The following PCDHA3 variants were observed in gnomAD, a reference collection of about 807,000 sequenced individuals.
PCDHA3 encodes protocadherin alpha-3.
Under a neutral mutation model 62.2 loss-of-function variants are expected in PCDHA3, and 41 were observed. The observed-to-expected ratio is 0.66, with a 90% confidence interval of 0.51 to 0.86. The LOEUF (loss-of-function observed/expected upper bound fraction) is 0.86, where lower values mean the gene tolerates loss of function less well. PCDHA3 is among the 40% of genes least tolerant of loss of function. PCDHA3 has a pLI of 0.00. For synonymous variants in PCDHA3, 640 were observed against 555.4 expected, an observed-to-expected ratio of 1.15 and a Z score of -2.14; for missense variants, 1,304 against 1,241.2, an observed-to-expected ratio of 1.05 and a Z score of -0.76.
Position 140,801,485 on chromosome 5 carries a change from C to G in PCDHA3, c.288C>G (p.Cys96Trp). The G allele has an allele frequency of 6.2e-7, 1 of 1,614,078 alleles. No individual in the cohort carries two copies. The highest frequency in any genetic ancestry group is 8.5e-7 in the Non-Finnish European group (1 of 1,180,044). The change falls in exon 1 of 4, where the codon TGC (cysteine) becomes TGG (tryptophan). Residue 96 changes from cysteine to tryptophan, a missense_variant. Transcript: ENST00000522353. ...VNSRIDREEL[C>W]GRSAECSIHL... ...CTCGGATAGACCGCGAGGAACTGTG[C>G]GGGCGGAGCGCGGAGTGCAGCATCC...
intron 1 of PCDHA3, chr5:140,816,500 GGTGTGTTT>G (rs2126671911): frequency 7.9e-6 from 1 of 125,928 alleles, no homozygotes; most frequent in African/African-American, 3.1e-5. Context: ...GGTTTCTGGA[GGTGTGTTT>G]GTGTGTGTGT....
intron 1 of PCDHA3, among the ~76,000 whole-genome samples, chr5:140,908,126 C>T (rs573751399): frequency 1.6e-4 from 24 of 152,360 alleles, no homozygotes; most frequent in South Asian, 1.0e-3. Context: ...TTTCCCTTCA[C>T]TGCTGTCCTT....
At chr5:140,846,050 C>T (rs2150384063) in intron 1 of PCDHA3, among the ~76,000 whole-genome samples, 1 of 149,776 alleles carries the variant, frequency 6.7e-6, no homozygotes, top group African/African-American at 2.4e-5. Flanking sequence ...GTTAACACCA[C>T]CTATGTGGGA....
At position 140,801,359 on chromosome 5, in the gene PCDHA3, G is replaced by A; in HGVS notation, c.162G>A (p.Leu54=). ...FVGRIAQDLG[L]ELAELVPRLF... ...GCCGCATCGCGCAGGACCTGGGGCT[G>A]GAGCTGGCGGAGCTGGTGCCGCGCC... The change falls in exon 1 of 4, where the codon CTG becomes CTA. Residue 54 remains leucine, a synonymous_variant. Coordinates refer to ENST00000522353, the MANE Select transcript of PCDHA3 (RefSeq NM_018906.3). The A allele has an allele frequency of 6.2e-7, 1 of 1,613,428 alleles. No homozygotes were observed. The highest frequency in any genetic ancestry group is 8.5e-7 in the Non-Finnish European group (1 of 1,179,948).
chr5:140,823,402 C>T (rs2150125577), intron 1 of PCDHA3: 2 of 1,613,148 alleles, frequency 1.2e-6, no homozygotes, highest in Admixed American at 1.7e-5. Context: ...GGGCGTGCCG[C>T]CTCTGGGCAG....
At chr5:140,961,997 C>T (rs1160116142) in intron 1 of PCDHA3, among the ~76,000 whole-genome samples, 1 of 152,080 alleles carries the variant, frequency 6.6e-6, no homozygotes, top group South Asian at 2.1e-4. Context: ...CATTGTCCTG[C>T]CTCAGCTTCC....
chr5:140,984,258 CA>C (rs1563514144), intron 3 of PCDHA3, among the ~76,000 whole-genome samples: 1 of 152,262 alleles, frequency 6.6e-6, no homozygotes, highest in East Asian at 1.9e-4. Context: ...TGGTAAGCCA[CA>C]AACTAACTTT....
chr5:140,832,824 CT>C (rs1772174939), intron 1 of PCDHA3, among the ~76,000 whole-genome samples: 1 of 152,060 alleles, frequency 6.6e-6, no homozygotes, highest in Non-Finnish European at 1.5e-5. Flanking sequence ...AAATCTTTGC[CT>C]TTTTCCCTTG....
chr5:141,007,671 A>G (rs1161141271), intron 3 of PCDHA3, among the ~76,000 whole-genome samples: 1 of 152,184 alleles, frequency 6.6e-6, no homozygotes, highest in African/African-American at 2.4e-5. Context: ...TTACAAAGAC[A>G]AAAGTTATCC....
At chr5:140,880,586 G>C (rs1212732393) in intron 1 of PCDHA3, among the ~76,000 whole-genome samples, 1 of 152,206 alleles carries the variant, frequency 6.6e-6, no homozygotes, top group African/African-American at 2.4e-5. Context: ...AGAGGAAAGA[G>C]AATATGGAAG....
In PCDHA3 at chr5:140,967,672, C is replaced by G. The variant is rs781956405; in HGVS notation, c.2395-11277C>G. 36 of 1,614,182 alleles carry G rather than the reference C, an allele frequency of 2.2e-5. No individual in the cohort carries two copies. The South Asian group carries it at 3.8e-4, about 17-fold the overall frequency. ...ACTCCTTGAGCAGCTACACGTCGGACCGGGAGAGGCAGCTCTTCAGCATAG... is the reference window on the plus strand; with the variant it reads ...ACTCCTTGAGCAGCTACACGTCGGAGCGGGAGAGGCAGCTCTTCAGCATAG... On this transcript the variant is annotated intron_variant, in intron 1 of 3. Transcript: ENST00000522353.
intron 3 of PCDHA3, among the ~76,000 whole-genome samples, chr5:140,989,801 G>A (rs1554251107): frequency 1.3e-5 from 2 of 152,184 alleles, no homozygotes; most frequent in Non-Finnish European, 1.5e-5. Context: ...CCCAGGAAAG[G>A]GCCATAAGAT....
At chr5:140,817,374 T>G (rs782433149) in intron 1 of PCDHA3, 1 of 152,242 alleles carries the variant, frequency 6.6e-6, no homozygotes, top group South Asian at 2.1e-4. Context: ...GTTTCGGCAC[T>G]TATCACCATG....
intron 1 of PCDHA3, chr5:140,929,124 C>T: frequency 6.2e-7 from 1 of 1,614,166 alleles, no homozygotes; most frequent in Non-Finnish European, 8.5e-7. Flanking sequence ...CCATAGATGT[C>T]ACTACAGTTG....
chr5:140,872,717 T>TA (rs781995084), intron 1 of PCDHA3, among the ~76,000 whole-genome samples: 11 of 152,194 alleles, frequency 7.2e-5, no homozygotes, highest in Non-Finnish European at 1.5e-4. Context: ...ACTAGGTAAA[T>TA]AAAATTATTC....
chr5:140,876,092 A>C, intron 1 of PCDHA3: 2 of 1,613,948 alleles, frequency 1.2e-6, no homozygotes, highest in Non-Finnish European at 1.7e-6. Context: ...CAAACGCCAA[A>C]ACTCAATTTA....
intron 1 of PCDHA3, among the ~76,000 whole-genome samples, chr5:140,897,693 G>A (rs1327367730): frequency 6.6e-6 from 1 of 152,008 alleles, no homozygotes; most frequent in African/African-American, 2.4e-5. Context: ...TAGTCCTTTG[G>A]GCATATACCC....
At chr5:140,999,138 C>G (rs530740266) in intron 3 of PCDHA3, among the ~76,000 whole-genome samples, 1 of 152,258 alleles carries the variant, frequency 6.6e-6, no homozygotes, top group East Asian at 1.9e-4. Context: ...AATGTCACAG[C>G]CGGAAGTCTT....
chr5:140,896,467 G>A (rs191220082), intron 1 of PCDHA3, among the ~76,000 whole-genome samples: 1,607 of 151,540 alleles, frequency 0.011, 16 homozygotes, highest in African/African-American at 0.028. Context: ...GGTTCAAGCG[G>A]TTCTCCTGCC....
Sources: allele counts gnomAD v4.1 joint callset (sites outside exome capture counted in the v4.1 genomes callset), GRCh38; gene constraint gnomAD v4.1.1; transcripts MANE v1.5; gene names NCBI Gene and HGNC (gene_info 2026-07-23, HGNC 2026-07-21).